Variants in CTNNA3 observed in about 807,000 individuals in gnomAD.
CTNNA3 encodes catenin alpha 3, also known as catenin alpha-3.
CTNNA3 carries 76 observed loss-of-function variants against 95.7 expected under a neutral mutation model. The ratio of observed to expected loss-of-function variants is 0.79; its 90% CI spans 0.66 to 0.96. The LOEUF is 0.96. Ranked by LOEUF, CTNNA3 falls within the 40% of genes least tolerant of loss-of-function variation. CTNNA3 has a pLI of 0.00. For synonymous variants in CTNNA3, 431 were observed against 374.4 expected, an observed-to-expected ratio of 1.15 and a Z score of -1.74; for missense variants, 1,191 against 1,089.8, an observed-to-expected ratio of 1.09 and a Z score of -1.31.
intron 7 of CTNNA3, among the ~76,000 whole-genome samples, chr10:66,779,406 G>C (rs972264688): frequency 6.6e-6 from 1 of 151,870 alleles, no homozygotes; most frequent in Non-Finnish European, 1.5e-5. Context: ...GCCCAGGCTA[G>C]AGTGCAGTAG....
chr10:66,065,762 G>A (rs533216239), intron 15 of CTNNA3, among the ~76,000 whole-genome samples: 1 of 152,074 alleles, frequency 6.6e-6, no homozygotes, highest in African/African-American at 2.4e-5. Context: ...TCTAAATCCT[G>A]TCTATAAATA....
chr10:67,613,235 T>C (rs1485998560), intron 2 of CTNNA3, among the ~76,000 whole-genome samples: 1 of 152,164 alleles, frequency 6.6e-6, no homozygotes, highest in Non-Finnish European at 1.5e-5. Context: ...CTCATTATAC[T>C]GTCTTGTAAT....
intron 10 of CTNNA3, among the ~76,000 whole-genome samples, chr10:66,553,332 A>G (rs984424569): frequency 2.0e-5 from 3 of 151,058 alleles, no homozygotes; most frequent in African/African-American, 7.4e-5. Context: ...TTTATACTCT[A>G]TATTTGTCCT....
intron 7 of CTNNA3, among the ~76,000 whole-genome samples, chr10:67,069,965 T>C (rs1856346498): frequency 6.6e-6 from 1 of 152,190 alleles, no homozygotes. Context: ...ATATGCATTG[T>C]AGATGCCCTC....
intron 5 of CTNNA3, among the ~76,000 whole-genome samples, chr10:67,421,519 C>G (rs1476797006): frequency 6.6e-6 from 1 of 152,064 alleles, no homozygotes; most frequent in Non-Finnish European, 1.5e-5. Context: ...ACAAGGGCAC[C>G]TTTCCCATTG....
chr10:66,782,100 C>A (rs114208339), intron 7 of CTNNA3, among the ~76,000 whole-genome samples: 1,577 of 152,232 alleles, frequency 0.01, 31 homozygotes, highest in African/African-American at 0.035. Context: ...TTCTAATCAG[C>A]TCCATCACCT....
chr10:67,012,348 T>C (rs1852391631), intron 7 of CTNNA3: 1 of 152,218 alleles, frequency 6.6e-6, no homozygotes, highest in East Asian at 1.9e-4. Flanking sequence ...GATGCCCACC[T>C]ACAGGTCAGT....
intron 15 of CTNNA3, among the ~76,000 whole-genome samples, chr10:66,000,219 G>C (rs1204686123): frequency 1.3e-5 from 2 of 151,978 alleles, no homozygotes; most frequent in African/African-American, 4.8e-5. Flanking sequence ...TATTGGCTTG[G>C]CACAAACCTG....
intron 7 of CTNNA3, among the ~76,000 whole-genome samples, chr10:67,079,746 G>C (rs1181328741): frequency 1.3e-5 from 2 of 151,986 alleles, no homozygotes; most frequent in Non-Finnish European, 2.9e-5. Flanking sequence ...TGCTCAGGAG[G>C]CTGAGGCAGG....
At chr10:67,111,422 C>T (rs1313199800) in intron 7 of CTNNA3, among the ~76,000 whole-genome samples, 1 of 152,016 alleles carries the variant, frequency 6.6e-6, no homozygotes, top group East Asian at 1.9e-4. Context: ...CGAATCTCCT[C>T]TTTAAAAAAT....
chr10:66,041,798 A>C (rs773044381), intron 15 of CTNNA3, among the ~76,000 whole-genome samples: 13 of 152,150 alleles, frequency 8.5e-5, no homozygotes, highest in Non-Finnish European at 1.8e-4. Context: ...AGATTCTCAT[A>C]AAATAGCTTA....
intron 1 of CTNNA3, among the ~76,000 whole-genome samples, chr10:67,673,151 G>T (rs1224208158): frequency 1.3e-5 from 2 of 151,250 alleles, no homozygotes; most frequent in Non-Finnish European, 2.9e-5. Context: ...TCATGATTTG[G>T]CTCTCTGTTT....
chr10:66,871,208 G>C (rs1844389870), intron 7 of CTNNA3, among the ~76,000 whole-genome samples: 1 of 152,120 alleles, frequency 6.6e-6, no homozygotes, highest in African/African-American at 2.4e-5. Context: ...ATAAACACCA[G>C]GAGAGCATCA....
chr10:66,616,756 A>C (rs1844529520), intron 10 of CTNNA3, among the ~76,000 whole-genome samples: 1 of 152,032 alleles, frequency 6.6e-6, no homozygotes, highest in Non-Finnish European at 1.5e-5. Context: ...CCCAGGACTT[A>C]ACTGACTCAC....
intron 1 of CTNNA3, among the ~76,000 whole-genome samples, chr10:67,731,519 T>C (rs1841273756): frequency 6.7e-6 from 1 of 149,954 alleles, no homozygotes; most frequent in Non-Finnish European, 1.5e-5. Context: ...ATTTTGCTTT[T>C]AGGCCGGGCG....
At chr10:66,274,224 G>A (rs1484673276) in intron 13 of CTNNA3, among the ~76,000 whole-genome samples, 2 of 116,608 alleles carry the variant, frequency 1.7e-5, no homozygotes, top group East Asian at 2.4e-4. Flanking sequence ...GCTGAGTCAC[G>A]TTTCAATATG....
At chr10:67,486,670 G>C (rs1298028861) in intron 5 of CTNNA3, among the ~76,000 whole-genome samples, 2 of 152,140 alleles carry the variant, frequency 1.3e-5, no homozygotes, top group African/African-American at 4.8e-5. Flanking sequence ...CTGAGATAGA[G>C]AAAGTGCCAA....
At chr10:65,992,282 C>T (rs1178257405) in intron 15 of CTNNA3, among the ~76,000 whole-genome samples, 2 of 151,942 alleles carry the variant, frequency 1.3e-5, no homozygotes, top group Non-Finnish European at 2.9e-5. Context: ...GGGAGAATTC[C>T]CTCCTCTTCA....
intron 15 of CTNNA3, among the ~76,000 whole-genome samples, chr10:66,014,471 A>G (rs1480277518): frequency 6.6e-6 from 1 of 152,158 alleles, no homozygotes; most frequent in Admixed American, 6.5e-5. Context: ...AATAACGATT[A>G]TAGATTTGAA....
Sources: gnomAD v4.1 joint callset for allele counts (sites outside exome capture counted in the v4.1 genomes callset) on GRCh38, gnomAD v4.1.1 for gene constraint, MANE v1.5 for transcripts, NCBI Gene and HGNC (gene_info 2026-07-23, HGNC 2026-07-21) for gene names.